Variants in PLCH1 observed in about 807,000 individuals in gnomAD.
The protein encoded by PLCH1 is phospholipase C eta 1.
In PLCH1, 60 loss-of-function variants were observed where a neutral mutation model predicts 126.7. That is an observed-to-expected ratio of 0.47 (90% CI 0.38 to 0.59). The LOEUF (loss-of-function observed/expected upper bound fraction) is 0.59, where lower values mean the gene tolerates loss of function less well. Among genes scored for constraint, PLCH1 ranks in the 20% least tolerant of loss-of-function variants. The pLI, the probability that PLCH1 is intolerant of heterozygous loss-of-function variation, is 0.00. For missense variants in PLCH1, 1,723 were observed against 2,040.0 expected (o/e 0.84, Z 2.99); for synonymous variants, 719 against 734.9 (o/e 0.98, Z 0.35).
At chr3:155,586,343 C>A (rs1731370738) in intron 4 of PLCH1, 149 bp from the exon 5 acceptor site, 2 of 686,156 alleles carry the variant, frequency 2.9e-6, no homozygotes, top group Non-Finnish European at 2.5e-6. Flanking sequence ...CTCTGATGAG[C>A]TACTAATAAT....
At chr3:155,624,945 A>G (rs1340810524) in intron 2 of PLCH1, among the ~76,000 whole-genome samples, 1 of 151,970 alleles carries the variant, frequency 6.6e-6, no homozygotes. Context: ...AGACAATCCT[A>G]AAAAAAAGAA....
At chr3:155,543,075 T>C (rs1724609685) in intron 10 of PLCH1, among the ~76,000 whole-genome samples, 1 of 152,102 alleles carries the variant, frequency 6.6e-6, no homozygotes, top group Non-Finnish European at 1.5e-5. Flanking sequence ...AGGCTTCAGA[T>C]GATCAAACTA....
At position 155,458,389 on chromosome 3, in the gene PLCH1, G is replaced by A. The variant is rs191586631; in HGVS notation, c.2938+26967C>T. Among the ~76,000 whole-genome samples the A allele has an allele frequency of 7.7e-3, 179 of 23,256 alleles. 7 individuals are homozygous for A. Among genetic ancestry groups the A allele is most frequent in the African/African-American group, 0.028 (102 of 3,634 alleles). 15.3% of individuals were successfully genotyped at this position (23,256 alleles called of 152,430 possible). A position where few individuals can be genotyped will look rare whatever the true frequency, so the allele number is the denominator to read the frequency against. ...AAAGAAGAAAGAAAGAAAGAAAGAA[G>A]GAAGGAAGGAAGGAAGGAAGGAAGG... On this transcript the variant is annotated intron_variant, in intron 21 of 21. Transcript: ENST00000494598.
chr3:155,485,125 C>A (rs1244811808), intron 22 of PLCH1, among the ~76,000 whole-genome samples: 1 of 152,142 alleles, frequency 6.6e-6, no homozygotes, highest in African/African-American at 2.4e-5. Flanking sequence ...CTCCCCTATC[C>A]CTCACTGTCA....
chr3:155,626,661 C>T (rs1368880272), intron 2 of PLCH1, among the ~76,000 whole-genome samples: 2 of 150,544 alleles, frequency 1.3e-5, no homozygotes, highest in Non-Finnish European at 3.0e-5. Context: ...CCCAGCTACT[C>T]AGGAGGCTGA....
chr3:155,645,851 T>C (rs778772111), intron 2 of PLCH1, among the ~76,000 whole-genome samples: 2 of 152,122 alleles, frequency 1.3e-5, no homozygotes, highest in African/African-American at 4.8e-5. Context: ...GGGAATGGGA[T>C]AAGGGCAAAA....
downstream of PLCH1, among the ~76,000 whole-genome samples, chr3:155,475,945 C>T (rs139613034): frequency 6.6e-6 from 1 of 152,190 alleles, no homozygotes; most frequent in East Asian, 1.9e-4. Context: ...GAAGAAGGAA[C>T]ACTTCCAAAC....
intron 10 of PLCH1, among the ~76,000 whole-genome samples, chr3:155,545,990 C>T (rs1372025733): frequency 6.6e-6 from 1 of 151,628 alleles, no homozygotes; most frequent in Non-Finnish European, 1.5e-5. Context: ...GACAGGGATG[C>T]CCTCTCTCAC....
intron 22 of PLCH1, chr3:155,483,495 AAAAAGAAG>A: frequency 2.0e-6 from 1 of 497,136 alleles, no homozygotes; most frequent in Non-Finnish European, 3.5e-6. Flanking sequence ...GTTAAAACAA[AAAAAGAAG>A]AAAAGAAGAA....
At chr3:155,741,488 C>T (rs1037639762) in intron 1 of PLCH1, among the ~76,000 whole-genome samples, 1 of 152,084 alleles carries the variant, frequency 6.6e-6, no homozygotes, top group Non-Finnish European at 1.5e-5. Context: ...TTTCCCTAAC[C>T]GTCTATGTCC....
intron 10 of PLCH1, among the ~76,000 whole-genome samples, chr3:155,542,964 T>G (rs1456055649): frequency 1.3e-5 from 2 of 151,962 alleles, no homozygotes; most frequent in African/African-American, 2.4e-5. Context: ...AACTGGAAAC[T>G]CTAAAAAGCA....
intron 1 of PLCH1, chr3:155,743,733 T>C (rs576324657): frequency 2.9e-6 from 1 of 340,902 alleles, no homozygotes; most frequent in African/African-American, 2.2e-5. Flanking sequence ...GCAGAGCATC[T>C]CCTTGTCATA....
chr3:155,732,450 G>T (rs977226810), intron 1 of PLCH1, among the ~76,000 whole-genome samples: 1 of 151,764 alleles, frequency 6.6e-6, no homozygotes, highest in Non-Finnish European at 1.5e-5. Flanking sequence ...ACTTTGGGAG[G>T]CCGAGGCGGG....
In PLCH1 at chr3:155,544,587, T is replaced by C. The variant is rs1324125008; in HGVS notation, c.1362+5200A>G. On this transcript the variant is annotated intron_variant, in intron 10 of 22. Coordinates refer to ENST00000460012, the MANE Select transcript of PLCH1 (RefSeq NM_014996.4). ...ACCTCAAATCAACAGAATATAAATT[T>C]TTTTCAGCACCACACCACACCTATT... 5.3e-5 allele frequency among the ~76,000 whole-genome samples: 8 copies of C among 152,272 alleles called. No homozygotes were observed. In the East Asian group the frequency reaches 1.5e-3, roughly 29 times the overall value.
chr3:155,597,786 CA>C (rs1477671480), intron 2 of PLCH1, among the ~76,000 whole-genome samples: 1 of 152,064 alleles, frequency 6.6e-6, no homozygotes, highest in Non-Finnish European at 1.5e-5. Flanking sequence ...GGAGGAACTG[CA>C]AAAAATTAAG....
Position 155,554,113 on chromosome 3 carries a change from C to T in PLCH1, c.1153G>A (p.Val385Met). 6.2e-7 allele frequency: 1 copy of T among 1,613,952 alleles called. No individual in the cohort carries two copies. Among genetic ancestry groups the T allele is most frequent in the Non-Finnish European group, 8.5e-7 (1 of 1,179,874 alleles). Residue 385 changes from valine (V) to methionine (M), a missense_variant, in exon 9 of 23, where the codon GTG becomes ATG. Transcript: ENST00000460012. ...LTSKILFRDVVETINKHAFVK... is the reference protein window; with the variant it reads ...LTSKILFRDVMETINKHAFVK... ...AAGGCATGCTTGTTGATGGTCTCCA[C>T]AACATCTCTGAAGAGAATTTTTGAA...
At chr3:155,605,718 G>A (rs1056322569) in intron 2 of PLCH1, among the ~76,000 whole-genome samples, 3 of 152,196 alleles carry the variant, frequency 2.0e-5, no homozygotes, top group Non-Finnish European at 2.9e-5. Flanking sequence ...TTCAACTGCT[G>A]GCTTAGAGAA....
chr3:155,676,136 G>A lies in PLCH1; in HGVS notation c.79+28010C>T, dbSNP rs1744063866. The A allele has an allele frequency of 5.1e-6, 7 of 1,374,418 alleles. No homozygotes were observed. The South Asian group carries it at 1.4e-4, about 27-fold the overall frequency. The allele number at this position is 1,374,418 out of a possible 1,614,324, so 85.1% of individuals were successfully genotyped here. On this transcript the variant is annotated intron_variant, in intron 2 of 22. Transcript: ENST00000460012. Reference sequence around the variant, plus strand: ...ATACACATTTCCAAAAAGGGTGGGGGGAAAAAAGGCAAAGAAATCCTTAGC... The same window carrying A: ...ATACACATTTCCAAAAAGGGTGGGGAGAAAAAAGGCAAAGAAATCCTTAGC...
chr3:155,734,360 T>A (rs1748999059), intron 1 of PLCH1, among the ~76,000 whole-genome samples: 1 of 152,008 alleles, frequency 6.6e-6, no homozygotes, highest in South Asian at 2.1e-4. Flanking sequence ...CTCAGGAGAC[T>A]GAGGTGGGAG....
Sources: gnomAD v4.1 joint callset for allele counts (sites outside exome capture counted in the v4.1 genomes callset) on GRCh38, gnomAD v4.1.1 for gene constraint, MANE v1.5 for transcripts, NCBI Gene and HGNC (gene_info 2026-07-23, HGNC 2026-07-21) for gene names.